OR10AG1: variants seen among roughly 807,000 people sequenced by gnomAD.
OR10AG1 encodes the protein olfactory receptor family 10 subfamily AG member 1, also known as olfactory receptor 10AG1.
For synonymous variants in OR10AG1, 147 were observed against 128.6 expected (o/e 1.14, Z -0.97); for missense variants, 433 against 376.5 (o/e 1.15, Z -1.24).
rs1319779163 is a variant in OR10AG1 at position 55,967,958 on chromosome 11, A to G, written c.566T>C (p.Phe189Ser). ...FCGTNTINHF[F>S]CDIPPILKLA... ...CTTGAGTATTGGCGGGATGTCACAA[A>G]AGAAATGATTAATTGTGTTAGTTCC... Residue 189 changes from phenylalanine to serine, a missense_variant, in exon 2 of 2, where the codon TTT becomes TCT. Phe to Ser is a radical substitution (Grantham distance 155, BLOSUM62 -2). Transcript: ENST00000641071. 1 of 1,614,110 alleles carries G rather than the reference A, an allele frequency of 6.2e-7. No individual in the cohort carries two copies. Among genetic ancestry groups the G allele is most frequent in the South Asian group, 1.1e-5 (1 of 91,078 alleles).
chr11:55,969,802 C>A (rs1271561817), intron 1 of OR10AG1, 90 bp downstream of exon 1: 1 of 397,356 alleles, frequency 2.5e-6, no homozygotes, highest in African/African-American at 2.1e-5. Flanking sequence ...CTCAAAATTT[C>A]ATGCTTTTCT....
At position 55,968,397 on chromosome 11, in the gene OR10AG1, A is replaced by C; in HGVS notation, c.127T>G (p.Leu43Val). 1 of 1,601,532 alleles carries C rather than the reference A, an allele frequency of 6.2e-7. No homozygotes were observed. The highest frequency in any genetic ancestry group is 8.5e-7 in the Non-Finnish European group (1 of 1,172,738). The change falls in exon 2 of 2, where the codon TTA (leucine) becomes GTA (valine). Residue 43 changes from leucine (L) to valine (V), a missense_variant. Transcript: ENST00000641071. ...NLHWMLFSIF[L>V]LMYLMILMCN... ...ATCAGGATCATCAAATACATAAGTA[A>C]AAATATACTAAAAAGCATCCAGTGG...
At position 55,967,557 on chromosome 11, in the gene OR10AG1, C is replaced by T; in HGVS notation, c.*1G>A. The T allele has an allele frequency of 6.5e-7, 1 of 1,546,536 alleles. No individual in the cohort carries two copies. Among genetic ancestry groups the T allele is most frequent in the Non-Finnish European group, 8.8e-7 (1 of 1,137,396 alleles). ...TATTTCTGTAATTTCAAGTCTTCAT[C>T]TCATGTTAATAACTTAGCTAGTAAT... is the stretch of plus-strand genomic sequence containing the variant. On this transcript the variant is annotated 3_prime_UTR_variant, in exon 2 of 2. Coordinates refer to ENST00000641071, the MANE Select transcript of OR10AG1 (RefSeq NM_001005491.2).
chr11:55,966,907 C>T lies in OR10AG1; in HGVS notation c.*651G>A, dbSNP rs1396512013. On this transcript the variant is annotated 3_prime_UTR_variant, in exon 2 of 2. Coordinates refer to ENST00000641071, the MANE Select transcript of OR10AG1 (RefSeq NM_001005491.2). ...GGAGATTTCTATTTTGAGGGTCCAA[C>T]ATTCAACCCAACACACATAGGTAAG... is the stretch of plus-strand genomic sequence containing the variant. 1.3e-5 allele frequency: 2 copies of T among 152,074 alleles called. No homozygotes were observed. Among genetic ancestry groups the T allele is most frequent in the Non-Finnish European group, 2.9e-5 (2 of 68,016 alleles). 9.4% of individuals were successfully genotyped at this position (152,074 alleles called of 1,614,324 possible).
chr11:55,968,481 A>C lies in OR10AG1; in HGVS notation c.43T>G (p.Ser15Ala). 1 of 1,501,894 alleles carries C rather than the reference A, an allele frequency of 6.7e-7. No homozygotes were observed. The highest frequency in any genetic ancestry group is 9.0e-7 in the Non-Finnish European group (1 of 1,116,238). The allele number at this position is 1,501,894 out of a possible 1,614,324, so 93.0% of individuals were successfully genotyped here. A position where few individuals can be genotyped will look rare whatever the true frequency, so the allele number is the denominator to read the frequency against. ...KDGEQTKREK[S>A]NVTTIMEFVL... ...AATTCCATTATTGTAGTCACATTTG[A>C]TTTTTCTCTTTTAGTTTGCTCTCCA... The change falls in exon 2 of 2, where the codon TCA (serine) becomes GCA (alanine). Residue 15 changes from serine to alanine, a missense_variant. Physicochemically the swap from Ser to Ala is moderately conservative, Grantham distance 99 (BLOSUM62 1). Coordinates refer to ENST00000641071, the MANE Select transcript of OR10AG1 (RefSeq NM_001005491.2).
Position 55,967,552 on chromosome 11 carries a change from T to C in OR10AG1, c.*6A>G. On this transcript the variant is annotated 3_prime_UTR_variant, in exon 2 of 2. Transcript: ENST00000641071. ...GAAATTATTTCTGTAATTTCAAGTC[T>C]TCATCTCATGTTAATAACTTAGCTA... The C allele has an allele frequency of 6.5e-7, 1 of 1,531,500 alleles. No homozygotes were observed. Among genetic ancestry groups the C allele is most frequent in the Non-Finnish European group, 8.9e-7 (1 of 1,127,502 alleles). The allele number at this position is 1,531,500 out of a possible 1,614,324, so 94.9% of individuals were successfully genotyped here. A position where few individuals can be genotyped will look rare whatever the true frequency, so the allele number is the denominator to read the frequency against.
chr11:55,968,406 T>C lies in OR10AG1; in HGVS notation c.118A>G (p.Ser40Gly). 1 of 1,599,244 alleles carries C rather than the reference T, an allele frequency of 6.3e-7. No homozygotes were observed. The highest frequency in any genetic ancestry group is 8.5e-7 in the Non-Finnish European group (1 of 1,171,668). The part of the protein sequence containing the change: ...DIPNLHWMLF[S>G]IFLLMYLMIL... ...ATCAAATACATAAGTAAAAATATAC[T>C]AAAAAGCATCCAGTGGAGATTGGGA... is the stretch of plus-strand genomic sequence containing the variant. The change falls in exon 2 of 2, where the codon AGT (serine) becomes GGT (glycine). Residue 40 changes from serine (S) to glycine (G), a missense_variant. By Grantham distance (56) the Ser-to-Gly change is moderately conservative. Coordinates refer to ENST00000641071, the MANE Select transcript of OR10AG1 (RefSeq NM_001005491.2).
chr11:55,965,830 C>A lies in OR10AG1; in HGVS notation c.*1728G>T, dbSNP rs980491424. On this transcript the variant is annotated 3_prime_UTR_variant, in exon 2 of 2. Coordinates refer to ENST00000641071, the MANE Select transcript of OR10AG1 (RefSeq NM_001005491.2). Reference sequence around the variant, plus strand: ...TAATAAAACAGAAATCTTCTGAATTCTTGCCAGTATGAAGAAGCCAATATT... The same window carrying A: ...TAATAAAACAGAAATCTTCTGAATTATTGCCAGTATGAAGAAGCCAATATT... 4 of 151,962 alleles carry A rather than the reference C, an allele frequency of 2.6e-5. No individual in the cohort carries two copies. Among genetic ancestry groups the A allele is most frequent in the African/African-American group, 9.7e-5 (4 of 41,348 alleles). The allele number at this position is 151,962 out of a possible 1,614,324, so 9.4% of individuals were successfully genotyped here.
In OR10AG1 at chr11:55,967,887, C is replaced by T. The variant is rs1852704741; in HGVS notation, c.637G>A (p.Val213Ile). The change falls in exon 2 of 2, where the codon GTA becomes ATA. Residue 213 changes from valine (V) to isoleucine (I), a missense_variant. Physicochemically the swap from Val to Ile is conservative, Grantham distance 29. Transcript: ENST00000641071. ...GGCACCGTGATAAACACCACCGCTACTACATGGACTGTTATCTCATTCACA... is the reference window on the plus strand; with the variant it reads ...GGCACCGTGATAAACACCACCGCTATTACATGGACTGTTATCTCATTCACA... ...IFVNEITVHVVAVVFITVPFL... is the reference protein window; with the variant it reads ...IFVNEITVHVIAVVFITVPFL... 6.2e-7 allele frequency: 1 copy of T among 1,613,950 alleles called. No individual in the cohort carries two copies. Among genetic ancestry groups the T allele is most frequent in the Admixed American group, 1.7e-5 (1 of 60,006 alleles).
At position 55,966,282 on chromosome 11, in the gene OR10AG1, A is replaced by G. The variant is rs1179582740; in HGVS notation, c.*1276T>C. The stretch of plus-strand genomic sequence containing the variant: ...TAAAGTAAGAAGAATATATATATAT[A>G]TATATATATTTTTTTTTTTAAACAG... On this transcript the variant is annotated 3_prime_UTR_variant, in exon 2 of 2. Coordinates refer to ENST00000641071, the MANE Select transcript of OR10AG1 (RefSeq NM_001005491.2). 5.5e-5 allele frequency: 5 copies of G among 90,546 alleles called. No homozygotes were observed. Among genetic ancestry groups the G allele is most frequent in the Non-Finnish European group, 1.1e-4 (5 of 44,060 alleles). The allele number at this position is 90,546 out of a possible 1,614,324, so 5.6% of individuals were successfully genotyped here.
In OR10AG1 at chr11:55,968,353, T is replaced by A. The variant is rs992760342; in HGVS notation, c.171A>T (p.Ile57=). Residue 57 remains isoleucine (I), a synonymous_variant, in exon 2 of 2, where the codon ATA becomes ATT. Coordinates refer to ENST00000641071, the MANE Select transcript of OR10AG1 (RefSeq NM_001005491.2). ...GAGCGGGGTGAATTTTTATTAGTAG[T>A]ATTATGATGCCATTGCACATCAGGA... The part of the protein sequence containing the change: ...LMILMCNGII[I]LLIKIHPALQ... The A allele has an allele frequency of 2.5e-6, 4 of 1,610,598 alleles. No homozygotes were observed. In the Admixed American group the frequency reaches 6.7e-5, roughly 27 times the overall value.
Position 55,967,487 on chromosome 11 carries a change from TAAA to T in OR10AG1, c.*68_*70del. ...TTATTGAATACCATAGGGACAAAGT[TAAA>T]AAAAAATTCACTGAAGCCACATGAC... On this transcript the variant is annotated 3_prime_UTR_variant, in exon 2 of 2. Coordinates refer to ENST00000641071, the MANE Select transcript of OR10AG1 (RefSeq NM_001005491.2). The T allele has an allele frequency of 1.1e-6, 1 of 948,892 alleles. No individual in the cohort carries two copies. The highest frequency in any genetic ancestry group is 1.6e-5 in the South Asian group (1 of 60,818). The allele number at this position is 948,892 out of a possible 1,614,324, so 58.8% of individuals were successfully genotyped here.
chr11:55,969,805 G>A (rs535789219), intron 1 of OR10AG1, 87 bp downstream of exon 1: 2 of 397,570 alleles, frequency 5.0e-6, no homozygotes, highest in South Asian at 2.6e-4. Flanking sequence ...AAAATTTCAT[G>A]CTTTTCTGTT....
chr11:55,969,236 A>G (rs72924045), intron 1 of OR10AG1, among the ~76,000 whole-genome samples: 191 of 152,114 alleles, frequency 1.3e-3, no homozygotes, highest in Admixed American at 2.2e-3. Flanking sequence ...ATTGTCATAT[A>G]ACCAAATACA....
In OR10AG1 at chr11:55,967,629, T is replaced by A. The variant is rs774458805; in HGVS notation, c.895A>T (p.Ile299Phe). The stretch of plus-strand genomic sequence containing the variant: ...TCTTTGTTCCTCAGGGTATATATAA[T>A]AGGATTCAAAGTTGGAATCAGAATG... The part of the protein sequence containing the change: ...YTILIPTLNP[I>F]IYTLRNKDIM... The change falls in exon 2 of 2, where the codon ATT becomes TTT. Residue 299 changes from isoleucine (I) to phenylalanine (F), a missense_variant. Ile to Phe is a conservative substitution (Grantham distance 21, BLOSUM62 0). Coordinates refer to ENST00000641071, the MANE Select transcript of OR10AG1 (RefSeq NM_001005491.2). The A allele has an allele frequency of 1.9e-6, 3 of 1,611,682 alleles. No individual in the cohort carries two copies. Among genetic ancestry groups the A allele is most frequent in the Non-Finnish European group, 2.5e-6 (3 of 1,177,936 alleles).
At position 55,966,930 on chromosome 11, in the gene OR10AG1, A is replaced by T. The variant is rs1445520610; in HGVS notation, c.*628T>A. On this transcript the variant is annotated 3_prime_UTR_variant, in exon 2 of 2. Transcript: ENST00000641071. ...AACATTCAACCCAACACACATAGGT[A>T]AGGCTAGTTTAGGATGAAAACTAAA... 2 of 152,128 alleles carry T rather than the reference A, an allele frequency of 1.3e-5. No individual in the cohort carries two copies. The highest frequency in any genetic ancestry group is 2.9e-5 in the Non-Finnish European group (2 of 68,044). The allele number at this position is 152,128 out of a possible 1,614,324, so 9.4% of individuals were successfully genotyped here.
At position 55,966,025 on chromosome 11, in the gene OR10AG1, A is replaced by G. The variant is rs1351251350; in HGVS notation, c.*1533T>C. ...ATTCTTACATATTAGGGAAGTAGGA[A>G]TTTCTTCAATTGAGCAGTTCTGAGA... On this transcript the variant is annotated 3_prime_UTR_variant, in exon 2 of 2. Transcript: ENST00000641071. 2 of 151,872 alleles carry G rather than the reference A, an allele frequency of 1.3e-5. No homozygotes were observed. Among genetic ancestry groups the G allele is most frequent in the African/African-American group, 4.8e-5 (2 of 41,328 alleles). 9.4% of individuals were successfully genotyped at this position (151,872 alleles called of 1,614,324 possible). A position where few individuals can be genotyped will look rare whatever the true frequency, so the allele number is the denominator to read the frequency against.
chr11:55,967,477 G>C lies in OR10AG1; in HGVS notation c.*81C>G. ...TCAGTACTCATTATTGAATACCATA[G>C]GGACAAAGTTAAAAAAAAATTCACT... On this transcript the variant is annotated 3_prime_UTR_variant, in exon 2 of 2. Coordinates refer to ENST00000641071, the MANE Select transcript of OR10AG1 (RefSeq NM_001005491.2). The C allele has an allele frequency of 1.2e-6, 1 of 807,048 alleles. No homozygotes were observed. The highest frequency in any genetic ancestry group is 2.0e-6 in the Non-Finnish European group (1 of 501,336). The allele number at this position is 807,048 out of a possible 1,614,324, so 50.0% of individuals were successfully genotyped here.
chr11:55,968,487 C>G lies in OR10AG1; in HGVS notation c.37G>C (p.Glu13Gln), dbSNP rs1368850748. 1 of 1,475,906 alleles carries G rather than the reference C, an allele frequency of 6.8e-7. No homozygotes were observed. Among genetic ancestry groups the G allele is most frequent in the African/African-American group, 1.4e-5 (1 of 70,640 alleles). 91.4% of individuals were successfully genotyped at this position (1,475,906 alleles called of 1,614,324 possible). Residue 13 changes from glutamate (E) to glutamine (Q), a missense_variant, in exon 2 of 2, where the codon GAA becomes CAA. Coordinates refer to ENST00000641071, the MANE Select transcript of OR10AG1 (RefSeq NM_001005491.2). ...IPKDGEQTKR[E>Q]KSNVTTIMEF... is the part of the protein sequence containing the mutation. ...ATTATTGTAGTCACATTTGATTTTT[C>G]TCTTTTAGTTTGCTCTCCATCTGCA...
Sources: allele counts gnomAD v4.1 joint callset (sites outside exome capture counted in the v4.1 genomes callset), GRCh38; gene constraint gnomAD v4.1.1; transcripts MANE v1.5; gene names NCBI Gene and HGNC (gene_info 2026-07-23, HGNC 2026-07-21).